Variants in APCDD1L observed in about 807,000 individuals in gnomAD.
The protein encoded by APCDD1L is APC down-regulated 1 like.
A neutral mutation model predicts 24.2 loss-of-function variants in APCDD1L; 21 were observed. That is an observed-to-expected ratio of 0.87 (90% confidence interval 0.61 to 1.25). APCDD1L has a LOEUF of 1.25. Ranked by LOEUF, APCDD1L falls within the 50% of genes most tolerant of loss-of-function variation. The pLI is 0.00. For missense variants in APCDD1L, 704 were observed against 711.7 expected (o/e 0.99, Z 0.12); for synonymous variants, 321 against 323.6 (o/e 0.99, Z 0.09).
intron 1 of APCDD1L, among the ~76,000 whole-genome samples, chr20:58,495,770 A>G (rs1990309775): frequency 1.3e-5 from 2 of 152,156 alleles, no homozygotes; most frequent in African/African-American, 4.8e-5. Context: ...CACCTCCTGT[A>G]GCAACACAGA....
rs944934226 is a variant in APCDD1L at position 58,494,091 on chromosome 20, G to A, written c.49+20568C>T. Among the ~76,000 whole-genome samples, 1 of 152,150 alleles carries A rather than the reference G, an allele frequency of 6.6e-6. No homozygotes were observed. Among genetic ancestry groups the A allele is most frequent in the African/African-American group, 2.4e-5 (1 of 41,436 alleles). ...ATTTAGGATTCATTAGCTGGAAGCG[G>A]ATCATCATAAAGGTCTTCATCCTCA... On this transcript the variant is annotated intron_variant, in intron 1 of 3. Transcript: ENST00000371149. The surrounding 1 kb of genome is among the most constrained non-coding windows in gnomAD (Gnocchi z 4.8).
intron 3 of APCDD1L, among the ~76,000 whole-genome samples, chr20:58,464,708 T>C (rs980306187): frequency 6.6e-6 from 1 of 152,196 alleles, no homozygotes; most frequent in African/African-American, 2.4e-5. Flanking sequence ...GGTTTTAAAT[T>C]AACTTCTAAA....
Position 58,508,788 on chromosome 20 carries a change from C to T in APCDD1L, c.49+5871G>A, listed in dbSNP as rs8119891. Among the ~76,000 whole-genome samples the T allele has an allele frequency of 6.6e-6, 1 of 152,204 alleles. No individual in the cohort carries two copies. Among genetic ancestry groups the T allele is most frequent in the Non-Finnish European group, 1.5e-5 (1 of 68,042 alleles). On this transcript the variant is annotated intron_variant, in intron 1 of 3. Coordinates refer to ENST00000371149, the MANE Select transcript of APCDD1L (RefSeq NM_153360.3). The surrounding 1 kb of genome is among the most constrained non-coding windows in gnomAD (Gnocchi z 4.0). ...AGGCCAGGCCTTCTTCTTGTGCAGC[C>T]TACTTTGTAGTGAGGAACAGACTGT...
chr20:58,487,759 A>C (rs1313701782), intron 1 of APCDD1L, among the ~76,000 whole-genome samples: 3 of 152,222 alleles, frequency 2.0e-5, no homozygotes, highest in Non-Finnish European at 2.9e-5. Flanking sequence ...CTGCCAAGAA[A>C]AGATGGCCAT....
chr20:58,509,931 C>T (rs1368541993), intron 1 of APCDD1L, among the ~76,000 whole-genome samples: 1 of 152,192 alleles, frequency 6.6e-6, no homozygotes, highest in Non-Finnish European at 1.5e-5. Flanking sequence ...CAGGAACCAG[C>T]CCCTGCCAAC....
chr20:58,507,635 G>A (rs1990547471), intron 1 of APCDD1L, among the ~76,000 whole-genome samples: 1 of 152,116 alleles, frequency 6.6e-6, no homozygotes, highest in African/African-American at 2.4e-5. Flanking sequence ...AATAGCCCAT[G>A]CACCCTTGCA....
At position 58,487,770 on chromosome 20, in the gene APCDD1L, A is replaced by G. The variant is rs973484128; in HGVS notation, c.50-17023T>C. On this transcript the variant is annotated intron_variant, in intron 1 of 3. Coordinates refer to ENST00000371149, the MANE Select transcript of APCDD1L (RefSeq NM_153360.3). Reference sequence around the variant, plus strand: ...CAACCTGCCAAGAAAAGATGGCCATATCAGAACATACAAAGCAAACATTGC... The same window carrying G: ...CAACCTGCCAAGAAAAGATGGCCATGTCAGAACATACAAAGCAAACATTGC... Among the ~76,000 whole-genome samples, 3 of 152,232 alleles carry G rather than the reference A, an allele frequency of 2.0e-5. No homozygotes were observed. The South Asian group carries it at 6.2e-4, about 32-fold the overall frequency.
rs1362137254 is a variant in APCDD1L at position 58,494,720 on chromosome 20, G to A, written c.49+19939C>T. Among the ~76,000 whole-genome samples the A allele has an allele frequency of 6.6e-6, 1 of 152,152 alleles. No individual in the cohort carries two copies. Among genetic ancestry groups the A allele is most frequent in the Non-Finnish European group, 1.5e-5 (1 of 68,028 alleles). On this transcript the variant is annotated intron_variant, in intron 1 of 3. Coordinates refer to ENST00000371149, the MANE Select transcript of APCDD1L (RefSeq NM_153360.3). The surrounding 1 kb of genome is among the most constrained non-coding windows in gnomAD (Gnocchi z 4.8). ...ATGCACATTTGATCAAGTCAGTCCT[G>A]TTGAAAGCCCCTTCCATTCTGAAGT...
intron 1 of APCDD1L, among the ~76,000 whole-genome samples, chr20:58,507,269 C>T (rs757022257): frequency 6.6e-6 from 1 of 152,182 alleles, no homozygotes; most frequent in Non-Finnish European, 1.5e-5. Flanking sequence ...GTGATGACTT[C>T]CCAGCCATGT....
Position 58,467,759 on chromosome 20 carries a change from C to T in APCDD1L, c.189-101G>A. The T allele has an allele frequency of 2.5e-6, 3 of 1,222,572 alleles. No homozygotes were observed. Among genetic ancestry groups the T allele is most frequent in the African/African-American group, 1.6e-5 (1 of 62,736 alleles). 75.7% of individuals were successfully genotyped at this position (1,222,572 alleles called of 1,614,324 possible). On this transcript the variant is annotated intron_variant, in intron 2 of 3. Transcript: ENST00000371149. The surrounding 1 kb of genome is among the most constrained non-coding windows in gnomAD (Gnocchi z 5.9). ...CTCCTTTCTCCCCCCCAGCCCTCCT[C>T]TTAGTCCTCAGCTCAGGCCTGGGCC...
At chr20:58,489,632 C>T (rs144680215) in intron 1 of APCDD1L, among the ~76,000 whole-genome samples, 3,306 of 150,090 alleles carry the variant, frequency 0.022, 51 homozygotes, top group Non-Finnish European at 0.035. Context: ...TGCAGTCAGC[C>T]GAGATCACGC....
intron 1 of APCDD1L, chr20:58,514,079 T>C (rs1270544119): frequency 1.4e-5 from 10 of 694,052 alleles, no homozygotes; most frequent in Admixed American, 3.8e-5. Context: ...AACCCCTTAG[T>C]CCTGGAGAAG....
chr20:58,508,556 T>G lies in APCDD1L; in HGVS notation c.49+6103A>C, dbSNP rs916879326. On this transcript the variant is annotated intron_variant, in intron 1 of 3. Coordinates refer to ENST00000371149, the MANE Select transcript of APCDD1L (RefSeq NM_153360.3). The surrounding 1 kb of genome is among the most constrained non-coding windows in gnomAD (Gnocchi z 4.0). ...TGGTGGGGGGAAGAGATGAGGACAA[T>G]GGAGCAGAGGACTGGCGGAGGGGAG... Among the ~76,000 whole-genome samples the G allele has an allele frequency of 2.6e-5, 4 of 151,988 alleles. No homozygotes were observed. Among genetic ancestry groups the G allele is most frequent in the African/African-American group, 9.7e-5 (4 of 41,364 alleles).
chr20:58,514,557 C>G, intron 1 of APCDD1L, 102 bp downstream of exon 1: 2 of 1,162,878 alleles, frequency 1.7e-6, no homozygotes, highest in Non-Finnish European at 2.2e-6. Flanking sequence ...CGTGGGCCGA[C>G]CCAGGGCCGT....
At chr20:58,484,270 A>G (rs893288380) in intron 1 of APCDD1L, among the ~76,000 whole-genome samples, 2 of 152,248 alleles carry the variant, frequency 1.3e-5, no homozygotes, top group African/African-American at 4.8e-5. Flanking sequence ...GATGATTTAA[A>G]AGCGCGTCCA....
At chr20:58,506,339 A>C (rs1990527971) in intron 1 of APCDD1L, among the ~76,000 whole-genome samples, 1 of 152,188 alleles carries the variant, frequency 6.6e-6, no homozygotes, top group Non-Finnish European at 1.5e-5. Flanking sequence ...CCAGAAGGAG[A>C]AGGTGGCCTT....
rs116856054 is a variant in APCDD1L, at chr20:58,504,166, A to G, written c.49+10493T>C. Among the ~76,000 whole-genome samples the G allele has an allele frequency of 3.7e-4, 57 of 152,300 alleles. No individual in the cohort carries two copies. The East Asian group carries it at 9.8e-3, about 26-fold the overall frequency. On this transcript the variant is annotated intron_variant, in intron 1 of 3. Coordinates refer to ENST00000371149, the MANE Select transcript of APCDD1L (RefSeq NM_153360.3). ...AAGGACTTGAGATGGGGGAGAGGAGACAGCAGATTGCTCAGGGCAAAGGCT... is the reference window on the plus strand; with the variant it reads ...AAGGACTTGAGATGGGGGAGAGGAGGCAGCAGATTGCTCAGGGCAAAGGCT...
At chr20:58,496,841 G>A (rs1990332174) in intron 1 of APCDD1L, among the ~76,000 whole-genome samples, 1 of 152,198 alleles carries the variant, frequency 6.6e-6, no homozygotes, top group Non-Finnish European at 1.5e-5. Flanking sequence ...TGCCCCTGAG[G>A]GGGCCAGGCC....
At chr20:58,495,430 G>T (rs6513389) in intron 1 of APCDD1L, among the ~76,000 whole-genome samples, 1 of 152,156 alleles carries the variant, frequency 6.6e-6, no homozygotes, top group Non-Finnish European at 1.5e-5. Flanking sequence ...AGGGCTGGGG[G>T]CCACAGTGGC....
Sources: allele counts gnomAD v4.1 joint callset (sites outside exome capture counted in the v4.1 genomes callset), GRCh38; gene constraint gnomAD v4.1.1; non-coding constraint Gnocchi (gnomAD v3.1); transcripts MANE v1.5; gene names NCBI Gene and HGNC (gene_info 2026-07-23, HGNC 2026-07-21).